Variants in GABBR2 observed in about 807,000 individuals in gnomAD.
The protein encoded by GABBR2 is G-protein coupled receptor 51.
A neutral mutation model predicts 105.6 loss-of-function variants in GABBR2; 23 were observed. The ratio of observed to expected loss-of-function variants is 0.22; its 90% CI spans 0.16 to 0.31. GABBR2 has a LOEUF of 0.31. Among genes scored for constraint, GABBR2 ranks in the 10% least tolerant of loss-of-function variants. The pLI is 1.00. For missense variants in GABBR2, 734 were observed against 1,245.5 expected, an observed-to-expected ratio of 0.59 and a Z score of 6.18; for synonymous variants, 478 against 499.7, an observed-to-expected ratio of 0.96 and a Z score of 0.58.
chr9:98,688,303 ATCC>A (rs1266435414), intron 1 of GABBR2, among the ~76,000 whole-genome samples: 2 of 152,034 alleles, frequency 1.3e-5, no homozygotes, highest in Admixed American at 1.3e-4. Context: ...ATATTTGCTA[ATCC>A]TCCTATCTCG....
At chr9:98,394,456 C>T (rs1832250873) in intron 8 of GABBR2, among the ~76,000 whole-genome samples, 2 of 152,226 alleles carry the variant, frequency 1.3e-5, no homozygotes, top group Admixed American at 1.3e-4. Flanking sequence ...GTCTCTGTCT[C>T]ATCAACTGGT....
intron 7 of GABBR2, among the ~76,000 whole-genome samples, chr9:98,414,383 A>G (rs1832647779): frequency 1.3e-5 from 2 of 152,214 alleles, no homozygotes; most frequent in Non-Finnish European, 2.9e-5. Context: ...GACCTGAAAC[A>G]GTGCCGATAA....
intron 1 of GABBR2, among the ~76,000 whole-genome samples, chr9:98,659,936 T>C (rs935891503): frequency 6.6e-6 from 1 of 152,218 alleles, no homozygotes; most frequent in African/African-American, 2.4e-5. Flanking sequence ...AAACTGTTAC[T>C]TGCCAGAAAT....
intron 1 of GABBR2, among the ~76,000 whole-genome samples, chr9:98,637,378 A>G (rs1445801153): frequency 1.3e-5 from 2 of 152,196 alleles, no homozygotes; most frequent in African/African-American, 4.8e-5. Context: ...CATTAATAAA[A>G]ATTATTTATT....
intron 1 of GABBR2, among the ~76,000 whole-genome samples, chr9:98,625,484 T>C (rs1273285771): frequency 1.3e-5 from 2 of 152,240 alleles, no homozygotes; most frequent in East Asian, 3.9e-4. Flanking sequence ...GGGAAGAAAC[T>C]GCCTCTGCCA....
At chr9:98,698,664 T>G (rs531341252) in intron 1 of GABBR2, among the ~76,000 whole-genome samples, 16 of 152,110 alleles carry the variant, frequency 1.1e-4, no homozygotes, top group African/African-American at 3.6e-4. Flanking sequence ...CACACCCAGC[T>G]AATTTTTGTA....
chr9:98,504,160 C>T (rs984600504), intron 3 of GABBR2, among the ~76,000 whole-genome samples: 6 of 152,182 alleles, frequency 3.9e-5, no homozygotes, highest in African/African-American at 9.6e-5. Context: ...CTTAGCACCC[C>T]GAGCAGAACC....
chr9:98,473,263 G>A lies in GABBR2; in HGVS notation c.882C>T (p.His294=), dbSNP rs200727904. Residue 294 remains histidine, a synonymous_variant, in exon 6 of 19, where the codon CAC becomes CAT. Coordinates refer to ENST00000259455, the MANE Select transcript of GABBR2 (RefSeq NM_005458.8). ...WYEPSWWEQV[H]TEANSSRCLR... ...GGCAGCGGGATGAGTTGGCTTCCGTGTGCACCTGCTCCCACCAAGAAGGCT... is the reference window on the plus strand; with the variant it reads ...GGCAGCGGGATGAGTTGGCTTCCGTATGCACCTGCTCCCACCAAGAAGGCT... 142 of 1,611,500 alleles carry A rather than the reference G, an allele frequency of 8.8e-5. No individual in the cohort carries two copies. Among genetic ancestry groups the A allele is most frequent in the South Asian group, 7.5e-4 (68 of 90,896 alleles).
chr9:98,517,407 G>T (rs1827779027), intron 3 of GABBR2, among the ~76,000 whole-genome samples: 1 of 152,118 alleles, frequency 6.6e-6, no homozygotes, highest in Non-Finnish European at 1.5e-5. Flanking sequence ...CCTTGAACAG[G>T]CTCGCCCTCC....
chr9:98,463,920 T>A (rs550081228), intron 6 of GABBR2, among the ~76,000 whole-genome samples: 1 of 152,116 alleles, frequency 6.6e-6, no homozygotes, highest in South Asian at 2.1e-4. Context: ...GCAGATGGAG[T>A]CTCGCTCACT....
At chr9:98,654,923 G>T (rs1042015356) in intron 1 of GABBR2, among the ~76,000 whole-genome samples, 1 of 152,136 alleles carries the variant, frequency 6.6e-6, no homozygotes, top group Non-Finnish European at 1.5e-5. Flanking sequence ...TTGTTAAAAA[G>T]AAATAAGCTA....
chr9:98,414,529 AG>A (rs1212327175), intron 7 of GABBR2, among the ~76,000 whole-genome samples: 2 of 152,226 alleles, frequency 1.3e-5, no homozygotes, highest in African/African-American at 2.4e-5. Flanking sequence ...GAGCAACTGA[AG>A]GGTTTTAATG....
At chr9:98,439,007 C>T (rs1247325916) in intron 7 of GABBR2, among the ~76,000 whole-genome samples, 1 of 152,106 alleles carries the variant, frequency 6.6e-6, no homozygotes, top group Non-Finnish European at 1.5e-5. Flanking sequence ...AAGGAGGTCA[C>T]TGTTTCCCAA....
chr9:98,582,973 C>T (rs1829022252), intron 1 of GABBR2, among the ~76,000 whole-genome samples: 1 of 152,154 alleles, frequency 6.6e-6, no homozygotes, highest in African/African-American at 2.4e-5. Flanking sequence ...TCTGGATTCC[C>T]AGTCTCTCAG....
chr9:98,636,253 T>G (rs1053566323), intron 1 of GABBR2, among the ~76,000 whole-genome samples: 7 of 152,124 alleles, frequency 4.6e-5, no homozygotes, highest in Admixed American at 3.9e-4. Flanking sequence ...TTTCAAAAAA[T>G]TACCTCTGCA....
intron 13 of GABBR2, among the ~76,000 whole-genome samples, chr9:98,354,144 T>A (rs1564028642): frequency 6.6e-6 from 1 of 152,346 alleles, no homozygotes; most frequent in Non-Finnish European, 1.5e-5. Flanking sequence ...TTAATTAATT[T>A]ATTTCTGAAC....
intron 13 of GABBR2, among the ~76,000 whole-genome samples, chr9:98,335,165 G>T (rs1831091582): frequency 6.6e-6 from 1 of 151,982 alleles, no homozygotes; most frequent in Non-Finnish European, 1.5e-5. Context: ...TCTTCCACTG[G>T]AGAAACAATT....
chr9:98,372,951 TTC>T (rs1049768636), intron 11 of GABBR2, among the ~76,000 whole-genome samples: 1 of 111,538 alleles, frequency 9.0e-6, no homozygotes, highest in Non-Finnish European at 2.1e-5. Context: ...GCCTTCTATT[TTC>T]TTTTTCTTTT....
chr9:98,708,708 G>A lies in GABBR2; in HGVS notation c.30C>T (p.Pro10=), dbSNP rs1554727793. MASPRSSGQ[P]GPPPPPPPPP... is the part of the protein sequence containing the mutation. ...GCGGTGGCGGCGGCGGCGGCGGCCC[G>A]GGCTGCCCGGAGCTCCGCGGGGAAG... Residue 10 remains proline, a synonymous_variant, in exon 1 of 19, where the codon CCC becomes CCT. Transcript: ENST00000259455. 14 of 997,728 alleles carry A rather than the reference G, an allele frequency of 1.4e-5. No individual in the cohort carries two copies. Among genetic ancestry groups the A allele is most frequent in the Middle Eastern group, 5.0e-4 (1 of 2,002 alleles). The allele number at this position is 997,728 out of a possible 1,614,324, so 61.8% of individuals were successfully genotyped here. A position where few individuals can be genotyped will look rare whatever the true frequency, so the allele number is the denominator to read the frequency against.
Sources: gnomAD v4.1 joint callset for allele counts (sites outside exome capture counted in the v4.1 genomes callset) on GRCh38, gnomAD v4.1.1 for gene constraint, MANE v1.5 for transcripts, NCBI Gene and HGNC (gene_info 2026-07-23, HGNC 2026-07-21) for gene names.